TRRAP: variants seen among roughly 807,000 people sequenced by gnomAD.
TRRAP encodes the protein transformation/transcription domain associated protein, also known as transformation/transcription domain-associated protein.
A neutral mutation model predicts 438.8 loss-of-function variants in TRRAP; 41 were observed. That is an observed-to-expected ratio of 0.09 (90% CI 0.07 to 0.12). The LOEUF (loss-of-function observed/expected upper bound fraction) is 0.12. TRRAP is among the 10% of genes least tolerant of loss of function. The probability of loss-of-function intolerance (pLI) is 1.00; values close to 1 mark genes in which losing one functional copy is unlikely to be tolerated. For missense variants in TRRAP, 3,122 were observed against 5,055.1 expected, an observed-to-expected ratio of 0.62 and a Z score of 11.60; for synonymous variants, 1,994 against 1,962.9, an observed-to-expected ratio of 1.02 and a Z score of -0.42.
rs782057937 is a variant in TRRAP, at chr7:98,937,322, A to G, written c.4233+45A>G. 28 of 1,586,672 alleles carry G rather than the reference A, an allele frequency of 1.8e-5. No individual in the cohort carries two copies. The African/African-American group carries it at 2.9e-4, about 16-fold the overall frequency. On this transcript the variant is annotated intron_variant, in intron 29 of 72. Coordinates refer to ENST00000456197, the MANE Select transcript of TRRAP (RefSeq NM_001375524.1). ...TGTATGCGCACGCGTGTGTGCACAC[A>G]CATGTGTGTGTACTCTGCATTAAGA... is the stretch of plus-strand genomic sequence containing the variant.
rs571904773 is a variant in TRRAP, at chr7:98,996,238, CACCCACATCCACCGCGGT to C, written c.10309+1391_10309+1408del. On this transcript the variant is annotated intron_variant, in intron 67 of 72. Coordinates refer to ENST00000456197, the MANE Select transcript of TRRAP (RefSeq NM_001375524.1). ...CTGCGCATCCACATCCCATTGTGCA[CACCCACATCCACCGCGGT>C]GCGCACAGGCACAGCTGCTTCTCGT... is the stretch of plus-strand genomic sequence containing the variant. Among the ~76,000 whole-genome samples the C allele has an allele frequency of 5.3e-4, 80 of 152,378 alleles. 1 individual carries two copies. The highest frequency in any genetic ancestry group is 1.8e-3 in the African/African-American group (76 of 41,594).
intron 30 of TRRAP, among the ~76,000 whole-genome samples, chr7:98,941,997 G>T (rs553677450): frequency 8.5e-5 from 13 of 152,256 alleles, no homozygotes; most frequent in African/African-American, 3.1e-4. Context: ...GTAGGACTTC[G>T]GTGTTGTGAA....
intron 70 of TRRAP, among the ~76,000 whole-genome samples, 169 bp from the exon 71 acceptor site, chr7:99,010,883 G>T (rs528158137): frequency 1.3e-5 from 2 of 152,170 alleles, no homozygotes; most frequent in African/African-American, 4.8e-5. Flanking sequence ...CAGCCATCTT[G>T]TGCCTCCTCG....
chr7:98,940,826 A>G (rs566184292), intron 30 of TRRAP, among the ~76,000 whole-genome samples: 2 of 152,178 alleles, frequency 1.3e-5, no homozygotes, highest in Non-Finnish European at 2.9e-5. Flanking sequence ...GGTAAGGGAC[A>G]CACTTTTCCC....
intron 21 of TRRAP, 74 bp from the exon 22 acceptor site, chr7:98,925,038 A>T: frequency 6.5e-7 from 1 of 1,529,814 alleles, no homozygotes; most frequent in Non-Finnish European, 8.8e-7. Flanking sequence ...GGTGCTGCAG[A>T]TGCTTTCAGT....
At chr7:98,939,351 G>C (rs1347205567) in intron 30 of TRRAP, among the ~76,000 whole-genome samples, 2 of 152,042 alleles carry the variant, frequency 1.3e-5, no homozygotes, top group Non-Finnish European at 2.9e-5. Context: ...GTGTATCACA[G>C]TGCACAGATA....
In TRRAP at chr7:98,916,544, G is replaced by A. The variant is rs576438556; in HGVS notation, c.2365+656G>A. On this transcript the variant is annotated intron_variant, in intron 19 of 72. Coordinates refer to ENST00000456197, the MANE Select transcript of TRRAP (RefSeq NM_001375524.1). ...TAACTTCCTTAGAGAAGTGACATAGGCTACCCAGGAGGCAGCAGGGACATC... is the reference window on the plus strand; with the variant it reads ...TAACTTCCTTAGAGAAGTGACATAGACTACCCAGGAGGCAGCAGGGACATC... Among the ~76,000 whole-genome samples, 20 of 152,250 alleles carry A rather than the reference G, an allele frequency of 1.3e-4. No individual in the cohort carries two copies. In the South Asian group the frequency reaches 4.1e-3, roughly 32 times the overall value.
intron 23 of TRRAP, among the ~76,000 whole-genome samples, chr7:98,927,647 GAAAC>G (rs1318380402): frequency 6.6e-6 from 1 of 152,200 alleles, no homozygotes; most frequent in Non-Finnish European, 1.5e-5. Context: ...AGCTGCCTGT[GAAAC>G]AGACAGTTTG....
chr7:98,977,435 A>G (rs1792713893), intron 56 of TRRAP, among the ~76,000 whole-genome samples: 3 of 152,218 alleles, frequency 2.0e-5, no homozygotes, highest in Admixed American at 2.0e-4. Context: ...CTAGGATTAC[A>G]GGTATGAGCC....
intron 41 of TRRAP, among the ~76,000 whole-genome samples, chr7:98,955,700 T>G (rs1301948060): frequency 1.4e-4 from 22 of 152,218 alleles, no homozygotes; most frequent in Non-Finnish European, 8.8e-5. Context: ...TGGGATTTAT[T>G]TATATGTAAA....
In TRRAP at chr7:98,923,332, C is replaced by T. The variant is rs1584316429; in HGVS notation, c.2823+1379C>T. ...GTAGGATCGTAAAGGTCTGGGCCCC[C>T]TTACAGAGGCTCACCATGGTGCCTG... On this transcript the variant is annotated intron_variant, in intron 21 of 72. Transcript: ENST00000456197. 2.0e-5 allele frequency among the ~76,000 whole-genome samples: 3 copies of T among 152,326 alleles called. 1 individual carries two copies. In the South Asian group the frequency reaches 6.2e-4, roughly 32 times the overall value.
Position 98,976,237 on chromosome 7 carries a change from T to G in TRRAP, c.7928T>G (p.Leu2643Trp). ...ACGTGGGTCCAGCTTTTCCCCAGAT[T>G]GTGGAAGATCCTCTCTGACAGACAG... is the stretch of plus-strand genomic sequence containing the variant. The part of the protein sequence containing the change: ...EKTWVQLFPR[L>W]WKILSDRQQH... The change falls in exon 54 of 73, where the codon TTG (leucine) becomes TGG (tryptophan). Residue 2643 changes from leucine to tryptophan, a missense_variant. Around this residue, in one of 24 missense-constraint regions of TRRAP, gnomAD observed 992 missense variants for 1,281.2 expected, o/e 0.77. Transcript: ENST00000456197. The surrounding 1 kb of genome is among the most constrained non-coding windows in gnomAD (Gnocchi z 4.6). 6.2e-7 allele frequency: 1 copy of G among 1,614,184 alleles called. No individual in the cohort carries two copies. Among genetic ancestry groups the G allele is most frequent in the Non-Finnish European group, 8.5e-7 (1 of 1,180,026 alleles).
chr7:98,942,919 G>A (rs1554416007), intron 30 of TRRAP, 30 bp from the exon 31 acceptor site: 3 of 1,613,818 alleles, frequency 1.9e-6, no homozygotes, highest in Non-Finnish European at 2.5e-6. Flanking sequence ...CTACTGTGAA[G>A]TTGTGTCTCA....
At chr7:98,999,080 C>T in intron 67 of TRRAP, 4 of 1,191,248 alleles carry the variant, frequency 3.4e-6, no homozygotes, top group Non-Finnish European at 4.8e-6. Context: ...GAGAACTCTG[C>T]TTCCGCTGGC....
At chr7:98,926,562 C>A (rs1489189176) in intron 22 of TRRAP, among the ~76,000 whole-genome samples, 1 of 152,070 alleles carries the variant, frequency 6.6e-6, no homozygotes, top group Admixed American at 6.6e-5. Context: ...CAGAAATCTG[C>A]CACCAGCACA....
chr7:98,990,266 T>C lies in TRRAP; in HGVS notation c.9592-189T>C, dbSNP rs925592217. On this transcript the variant is annotated intron_variant, in intron 63 of 72. Coordinates refer to ENST00000456197, the MANE Select transcript of TRRAP (RefSeq NM_001375524.1). Reference sequence around the variant, plus strand: ...AAAAAACTAAAGAGAAAATCTATTTTTAAATTTTAGGTTTTATATACTGTA... The same window carrying C: ...AAAAAACTAAAGAGAAAATCTATTTCTAAATTTTAGGTTTTATATACTGTA... 3.9e-5 allele frequency among the ~76,000 whole-genome samples: 6 copies of C among 152,224 alleles called. No individual in the cohort carries two copies. In the East Asian group the frequency reaches 5.8e-4, roughly 15 times the overall value.
intron 7 of TRRAP, among the ~76,000 whole-genome samples, chr7:98,896,179 T>C (rs782759119): frequency 2.6e-5 from 4 of 152,222 alleles, no homozygotes; most frequent in Non-Finnish European, 4.4e-5. Flanking sequence ...GTTTACAGGC[T>C]CGAAGACTTT....
intron 11 of TRRAP, among the ~76,000 whole-genome samples, chr7:98,902,235 A>T (rs1376498063): frequency 1.3e-5 from 2 of 152,152 alleles, no homozygotes; most frequent in African/African-American, 2.4e-5. Context: ...ACTGATGAAG[A>T]AGTTCTGGGT....
At chr7:98,919,339 A>T (rs988713165) in intron 20 of TRRAP, among the ~76,000 whole-genome samples, 12 of 151,326 alleles carry the variant, frequency 7.9e-5, no homozygotes, top group African/African-American at 2.9e-4. Context: ...GGTGGCTCAC[A>T]CCTGTAATCC....
Sources: allele counts gnomAD v4.1 joint callset (sites outside exome capture counted in the v4.1 genomes callset), GRCh38; gene constraint gnomAD v4.1.1; regional missense constraint gnomAD v4.1.1; non-coding constraint Gnocchi (gnomAD v3.1); transcripts MANE v1.5; gene names NCBI Gene and HGNC (gene_info 2026-07-23, HGNC 2026-07-21).